The following NRXN1 variants were observed in gnomAD, a reference collection of about 807,000 sequenced individuals.
The protein encoded by NRXN1 is neurexin-1.
In NRXN1, 39 loss-of-function variants were observed where a neutral mutation model predicts 150.9. The observed-to-expected ratio is 0.26, with a 90% CI of 0.20 to 0.34. The LOEUF is 0.34. Ranked by LOEUF, NRXN1 falls within the 10% of genes least tolerant of loss-of-function variation. The pLI is 1.00. For synonymous variants in NRXN1, 924 were observed against 757.0 expected, an observed-to-expected ratio of 1.22 and a Z score of -3.62; for missense variants, 1,815 against 1,949.9, an observed-to-expected ratio of 0.93 and a Z score of 1.30.
chr2:50,283,686 G>A (rs947917656), intron 17 of NRXN1, among the ~76,000 whole-genome samples: 3 of 151,964 alleles, frequency 2.0e-5, no homozygotes, highest in African/African-American at 7.3e-5. Context: ...CTTTTCTACT[G>A]CACATAACTG....
intron 17 of NRXN1, among the ~76,000 whole-genome samples, chr2:50,450,500 G>T (rs372681432): frequency 5.0e-4 from 75 of 151,222 alleles, no homozygotes; most frequent in African/African-American, 1.8e-3. Context: ...CTAAAATGAA[G>T]ACTTCTTTGA....
intron 18 of NRXN1, among the ~76,000 whole-genome samples, chr2:50,108,367 G>T (rs1394078740): frequency 2.6e-5 from 4 of 151,834 alleles, no homozygotes; most frequent in African/African-American, 4.8e-5. Flanking sequence ...TATAATAACC[G>T]ATTTTAGCTT....
intron 17 of NRXN1, among the ~76,000 whole-genome samples, chr2:50,405,211 T>A (rs2082675339): frequency 6.6e-6 from 1 of 152,168 alleles, no homozygotes; most frequent in Non-Finnish European, 1.5e-5. Context: ...TCTTTCCACT[T>A]GCAGATTGAT....
chr2:50,765,876 T>C (rs192302900), intron 5 of NRXN1, among the ~76,000 whole-genome samples: 30 of 152,152 alleles, frequency 2.0e-4, no homozygotes, highest in Admixed American at 1.8e-3. Flanking sequence ...AGAATTGACA[T>C]ACAGCAGCAA....
chr2:50,329,617 GTATATATATATATATATATATA>G (rs1172739306), intron 17 of NRXN1, among the ~76,000 whole-genome samples: 1 of 13,990 alleles, frequency 7.1e-5, no homozygotes, highest in Non-Finnish European at 1.6e-4. Context: ...GTGTGTGTGT[GTATATATATATATATATATATA>G]TATATATATA....
At chr2:50,773,657 G>A (rs1246870615) in intron 5 of NRXN1, among the ~76,000 whole-genome samples, 1 of 152,118 alleles carries the variant, frequency 6.6e-6, no homozygotes, top group African/African-American at 2.4e-5. Context: ...TTTGCTCAGG[G>A]GGATGAGCTC....
intron 8 of NRXN1, among the ~76,000 whole-genome samples, chr2:50,554,064 T>A (rs1455930117): frequency 6.6e-6 from 1 of 152,144 alleles, no homozygotes; most frequent in Non-Finnish European, 1.5e-5. Flanking sequence ...CACATAGCTG[T>A]CTAGGCTCTT....
chr2:50,481,609 C>A (rs2090461326), intron 15 of NRXN1, among the ~76,000 whole-genome samples: 1 of 152,064 alleles, frequency 6.6e-6, no homozygotes, highest in African/African-American at 2.4e-5. Context: ...TACAAACCAG[C>A]ACTTACGTGG....
chr2:50,261,736 C>A (rs1308865979), intron 17 of NRXN1, among the ~76,000 whole-genome samples: 1 of 151,790 alleles, frequency 6.6e-6, no homozygotes, highest in East Asian at 1.9e-4. Flanking sequence ...AAAGTGAATT[C>A]TTTACCTCTT....
At chr2:50,260,615 CTT>C (rs1043417319) in intron 17 of NRXN1, among the ~76,000 whole-genome samples, 1 of 123,968 alleles carries the variant, frequency 8.1e-6, no homozygotes, top group South Asian at 2.6e-4. Flanking sequence ...GAAGTTCAAG[CTT>C]TTTTTTTTTC....
chr2:50,439,171 C>T (rs1361365680), intron 17 of NRXN1, among the ~76,000 whole-genome samples: 1 of 152,188 alleles, frequency 6.6e-6, no homozygotes, highest in East Asian at 1.9e-4. Context: ...CTAAGAGTTG[C>T]AGCTTGGAAA....
intron 5 of NRXN1, among the ~76,000 whole-genome samples, chr2:50,867,079 A>T (rs1421494535): frequency 1.3e-5 from 2 of 151,932 alleles, no homozygotes; most frequent in African/African-American, 2.4e-5. Flanking sequence ...GTTCACCATG[A>T]GCATTGAGTT....
At chr2:50,176,864 T>C (rs570265888) in intron 18 of NRXN1, among the ~76,000 whole-genome samples, 1 of 152,120 alleles carries the variant, frequency 6.6e-6, no homozygotes, top group African/African-American at 2.4e-5. Context: ...AGCTAAGACA[T>C]ACAGGTTGCT....
At chr2:50,746,559 A>AAACAACAACAACAACAAC (rs77543976) in intron 5 of NRXN1, among the ~76,000 whole-genome samples, 25 of 149,064 alleles carry the variant, frequency 1.7e-4, no homozygotes, top group Non-Finnish European at 2.7e-4. Flanking sequence ...CCCTGTCTCA[A>AAACAACAACAACAACAAC]AACAACAACA....
chr2:50,399,203 CT>C (rs202208495), intron 17 of NRXN1, among the ~76,000 whole-genome samples: 2,220 of 152,172 alleles, frequency 0.015, 52 homozygotes, highest in African/African-American at 0.048. Context: ...ATGGCCACTC[CT>C]AAATATTGCA....
At chr2:50,483,927 T>G (rs1055369391) in intron 15 of NRXN1, among the ~76,000 whole-genome samples, 1 of 152,232 alleles carries the variant, frequency 6.6e-6, no homozygotes, top group African/African-American at 2.4e-5. Context: ...ATAACTTTTC[T>G]TATTTGAAAG....
chr2:50,091,303 A>G lies in NRXN1; in HGVS notation c.3718+20T>C. 6.2e-7 allele frequency: 1 copy of G among 1,613,802 alleles called. No individual in the cohort carries two copies. On this transcript the variant is annotated intron_variant, in intron 19 of 22. Coordinates refer to ENST00000401669, the MANE Select transcript of NRXN1 (RefSeq NM_001330078.2). ...TTGTTTTTCATAAAATCTTCCCCCG[A>G]TACATATTCACTTGCTTACCTGCAG...
At chr2:51,003,127 T>C (rs549253468) in intron 2 of NRXN1, among the ~76,000 whole-genome samples, 2 of 152,058 alleles carry the variant, frequency 1.3e-5, no homozygotes, top group African/African-American at 4.8e-5. Flanking sequence ...TTGAGCATCT[T>C]CTATGCAGCC....
chr2:50,657,894 T>C (rs1310011040), intron 5 of NRXN1, among the ~76,000 whole-genome samples: 7 of 152,016 alleles, frequency 4.6e-5, no homozygotes, highest in Admixed American at 4.6e-4. Context: ...CCAGGACTAG[T>C]AAACCATGTT....
Sources: gnomAD v4.1 joint callset for allele counts (sites outside exome capture counted in the v4.1 genomes callset) on GRCh38, gnomAD v4.1.1 for gene constraint, MANE v1.5 for transcripts, NCBI Gene and HGNC (gene_info 2026-07-23, HGNC 2026-07-21) for gene names.